The following RPTOR variants were observed in gnomAD, a reference collection of about 807,000 sequenced individuals.
RPTOR encodes regulatory-associated protein of mTOR.
A neutral mutation model predicts 169.9 loss-of-function variants in RPTOR; 21 were observed. That is an observed-to-expected ratio of 0.12 (90% confidence interval 0.09 to 0.18). The LOEUF is 0.18. RPTOR is among the 10% of genes least tolerant of loss of function. The pLI, the probability that RPTOR is intolerant of heterozygous loss-of-function variation, is 1.00. For missense variants in RPTOR, 1,133 were observed against 1,855.9 expected (o/e 0.61, Z 7.16); for synonymous variants, 732 against 753.2 (o/e 0.97, Z 0.46).
At chr17:80,950,858 T>G (rs995565859) in intron 28 of RPTOR, among the ~76,000 whole-genome samples, 2 of 152,212 alleles carry the variant, frequency 1.3e-5, no homozygotes, top group African/African-American at 4.8e-5. Flanking sequence ...CAGGCTGTTT[T>G]TCTGGGGTCG....
intron 24 of RPTOR, among the ~76,000 whole-genome samples, chr17:80,931,862 G>A (rs1321196171): frequency 6.7e-6 from 1 of 150,320 alleles, no homozygotes; most frequent in Non-Finnish European, 1.5e-5. Flanking sequence ...CACAGCAGTC[G>A]AGCTGTAGCA....
chr17:80,895,107 T>A (rs2068381780), intron 20 of RPTOR, among the ~76,000 whole-genome samples: 1 of 152,214 alleles, frequency 6.6e-6, no homozygotes, highest in South Asian at 2.1e-4. Flanking sequence ...CTTTTGTTCC[T>A]TTTCTTAATA....
At position 80,730,431 on chromosome 17, in the gene RPTOR, T is replaced by C; in HGVS notation, c.508-129T>C. ...GTTTGCTGTTTTTTATAGTTTTGTA[T>C]AAAGGCTAACTCAGCGTCTCTCCAG... is the stretch of plus-strand genomic sequence containing the variant. On this transcript the variant is annotated intron_variant, in intron 4 of 33. Transcript: ENST00000306801. The surrounding 1 kb of genome is among the most constrained non-coding windows in gnomAD (Gnocchi z 4.2). 1 of 1,006,778 alleles carries C rather than the reference T, an allele frequency of 9.9e-7. No homozygotes were observed. 62.4% of individuals were successfully genotyped at this position (1,006,778 alleles called of 1,614,324 possible).
intron 23 of RPTOR, 35 bp from the exon 24 acceptor site, chr17:80,925,334 CT>C (rs2143988475): frequency 6.3e-7 from 1 of 1,584,288 alleles, no homozygotes. Context: ...ACTGGTGTTT[CT>C]TTTTCCTTCC....
chr17:80,950,359 G>T (rs963109886), intron 28 of RPTOR, among the ~76,000 whole-genome samples: 1 of 152,200 alleles, frequency 6.6e-6, no homozygotes, highest in East Asian at 1.9e-4. Context: ...CCTTCCGTGT[G>T]GGGCCTGCCC....
At position 80,923,517 on chromosome 17, in the gene RPTOR, C is replaced by T. The variant is rs1242169113; in HGVS notation, c.2652C>T (p.Ser884=). Residue 884 remains serine (S), a synonymous_variant, in exon 23 of 34, where the codon AGC becomes AGT. Transcript: ENST00000306801. The part of the protein sequence containing the change: ...AGGSPPASST[S]SSSLTNDVAK... ...GCTCCCCTCCGGCGTCCAGCACCAGCAGCTCCAGCCTGACCAACGATGTGG... is the reference window on the plus strand; with the variant it reads ...GCTCCCCTCCGGCGTCCAGCACCAGTAGCTCCAGCCTGACCAACGATGTGG... The T allele has an allele frequency of 6.2e-7, 1 of 1,613,400 alleles. No individual in the cohort carries two copies. The highest frequency in any genetic ancestry group is 8.5e-7 in the Non-Finnish European group (1 of 1,179,982).
At chr17:80,911,053 G>A (rs1380910630) in intron 21 of RPTOR, among the ~76,000 whole-genome samples, 2 of 152,140 alleles carry the variant, frequency 1.3e-5, no homozygotes, top group African/African-American at 2.4e-5. Flanking sequence ...GGATGGTCTC[G>A]GTCTCTTGAC....
intron 24 of RPTOR, among the ~76,000 whole-genome samples, chr17:80,927,893 G>C (rs147759431): frequency 6.6e-6 from 1 of 152,056 alleles, no homozygotes; most frequent in Non-Finnish European, 1.5e-5. Flanking sequence ...GCTGGAGGGT[G>C]TCAGCCTTGT....
In RPTOR at chr17:80,893,456, C is replaced by T. The variant is rs78922357; in HGVS notation, c.2243-251C>T. Among the ~76,000 whole-genome samples, 631 of 120,356 alleles carry T rather than the reference C, an allele frequency of 5.2e-3. 13 individuals carry two copies. Among genetic ancestry groups the T allele is most frequent in the African/African-American group, 0.02 (596 of 29,922 alleles). 79.0% of individuals were successfully genotyped at this position (120,356 alleles called of 152,430 possible). A position where few individuals can be genotyped will look rare whatever the true frequency, so the allele number is the denominator to read the frequency against. On this transcript the variant is annotated intron_variant, in intron 19 of 33. Transcript: ENST00000306801. ...AGGGTGTGTGTACTGGGTGTGTATA[C>T]GCGCCAGGTTGTGTCTGTACGCGCC...
Position 80,545,427 on chromosome 17 carries a change from C to T in RPTOR, c.-203C>T, listed in dbSNP as rs2084262168. The T allele has an allele frequency of 2.2e-6, 1 of 463,620 alleles. No homozygotes were observed. The highest frequency in any genetic ancestry group is 3.9e-5 in the Admixed American group (1 of 25,900). 28.7% of individuals were successfully genotyped at this position (463,620 alleles called of 1,614,324 possible). ...TGGGCTGCCCCATTTCCTAGCGGCC[C>T]CCACCTCCCCACTTCCCGCTCAGAG... On this transcript the variant is annotated 5_prime_UTR_variant, in exon 1 of 34. Coordinates refer to ENST00000306801, the MANE Select transcript of RPTOR (RefSeq NM_020761.3).
intron 1 of RPTOR, among the ~76,000 whole-genome samples, chr17:80,606,751 G>C (rs1161352670): frequency 1.3e-5 from 2 of 152,134 alleles, no homozygotes; most frequent in East Asian, 3.9e-4. Flanking sequence ...TTACCTGTCT[G>C]TCCAACCACC....
At chr17:80,946,500 G>A (rs576933685) in intron 26 of RPTOR, among the ~76,000 whole-genome samples, 19 of 152,264 alleles carry the variant, frequency 1.2e-4, no homozygotes, top group South Asian at 4.1e-4. Context: ...TCCTGCATCC[G>A]CCTGAGCCAG....
At chr17:80,869,523 G>A (rs2143793599) in intron 13 of RPTOR, among the ~76,000 whole-genome samples, 1 of 152,298 alleles carries the variant, frequency 6.6e-6, no homozygotes, top group African/African-American at 2.4e-5. Flanking sequence ...CAAGACTAAT[G>A]TGTATCAGCT....
rs1041756715 is a variant in RPTOR at position 80,563,940 on chromosome 17, T to C, written c.162+18149T>C. 1.1e-4 allele frequency among the ~76,000 whole-genome samples: 17 copies of C among 152,250 alleles called. 1 individual carries two copies. Among genetic ancestry groups the C allele is most frequent in the Admixed American group, 1.1e-3 (17 of 15,288 alleles). ...CATTGTCTGTGAGATTCATCCATGC[T>C]GCTCTAGTAGCCATGCTCATTCACC... On this transcript the variant is annotated intron_variant, in intron 1 of 33. Coordinates refer to ENST00000306801, the MANE Select transcript of RPTOR (RefSeq NM_020761.3).
intron 24 of RPTOR, among the ~76,000 whole-genome samples, chr17:80,930,621 A>G (rs1175205711): frequency 6.6e-6 from 1 of 152,186 alleles, no homozygotes; most frequent in Non-Finnish European, 1.5e-5. Context: ...CTTTCCTGGA[A>G]AGTTCAGAAG....
rs554326370 is a variant in RPTOR at position 80,796,475 on chromosome 17, C to T, written c.890+4966C>T. On this transcript the variant is annotated intron_variant, in intron 7 of 33. Transcript: ENST00000306801. ...AGGCATGTCTTACATGGCAGGAGAG[C>T]GAGAGCACACCAGGGAAGGGGAAGT... 5.9e-5 allele frequency among the ~76,000 whole-genome samples: 9 copies of T among 152,226 alleles called. No individual in the cohort carries two copies. In the South Asian group the frequency reaches 1.0e-3, roughly 18 times the overall value.
In RPTOR at chr17:80,823,265, C is replaced by G. The variant is rs1161256424; in HGVS notation, c.1136+42C>G. 1.2e-6 allele frequency: 2 copies of G among 1,603,534 alleles called. No homozygotes were observed. Among genetic ancestry groups the G allele is most frequent in the Admixed American group, 3.4e-5 (2 of 59,654 alleles). The stretch of plus-strand genomic sequence containing the variant: ...CCTCCAGGTGCCGTGCTCCCCCGCC[C>G]TCCGTGGCACTGTGATGTCATGGAA... On this transcript the variant is annotated intron_variant, in intron 9 of 33. Coordinates refer to ENST00000306801, the MANE Select transcript of RPTOR (RefSeq NM_020761.3). The surrounding 1 kb of genome is among the most constrained non-coding windows in gnomAD (Gnocchi z 4.5).
At chr17:80,857,757 C>A (rs746920373) in intron 12 of RPTOR, 33 bp from the exon 13 acceptor site, 1 of 1,528,610 alleles carries the variant, frequency 6.5e-7, no homozygotes, top group Non-Finnish European at 9.0e-7. Flanking sequence ...CTTGCTGCGG[C>A]ACAGGTGCGC....
intron 3 of RPTOR, among the ~76,000 whole-genome samples, chr17:80,693,426 G>T (rs1258954122): frequency 6.6e-6 from 1 of 152,234 alleles, no homozygotes; most frequent in African/African-American, 2.4e-5. Flanking sequence ...GGAAGCAATA[G>T]CTTTTCTTTT....
Sources: allele counts gnomAD v4.1 joint callset (sites outside exome capture counted in the v4.1 genomes callset), GRCh38; gene constraint gnomAD v4.1.1; non-coding constraint Gnocchi (gnomAD v3.1); transcripts MANE v1.5; gene names NCBI Gene and HGNC (gene_info 2026-07-23, HGNC 2026-07-21).